EPHA6: variants seen among roughly 807,000 people sequenced by gnomAD.
The protein encoded by EPHA6 is ephrin type-A receptor 6.
In EPHA6, 50 loss-of-function variants were observed where a neutral mutation model predicts 112.0. The ratio of observed to expected loss-of-function variants is 0.45; its 90% CI spans 0.36 to 0.56. The LOEUF (loss-of-function observed/expected upper bound fraction) is 0.56, where lower values mean the gene tolerates loss of function less well. Ranked by LOEUF, EPHA6 falls within the 20% of genes least tolerant of loss-of-function variation. EPHA6 has a pLI of 0.00. For missense variants in EPHA6, 1,280 were observed against 1,417.4 expected, an observed-to-expected ratio of 0.90 and a Z score of 1.56; for synonymous variants, 529 against 490.7, an observed-to-expected ratio of 1.08 and a Z score of -1.03.
At chr3:97,144,404 C>T (rs536032398) in intron 3 of EPHA6, among the ~76,000 whole-genome samples, 1 of 150,762 alleles carries the variant, frequency 6.6e-6, no homozygotes, top group East Asian at 1.9e-4. Flanking sequence ...TCCTATGCAC[C>T]CCAGCTCATT....
In EPHA6 at chr3:97,032,811, G is replaced by A. The variant is rs115085201; in HGVS notation, c.1114+44818G>A. On this transcript the variant is annotated intron_variant, in intron 3 of 17. Coordinates refer to ENST00000389672, the MANE Select transcript of EPHA6 (RefSeq NM_001080448.3). ...GACCTTACCTATTGCCCTAAGCCTA[G>A]CGATAAAAGGCAAAATATTTTTTAT... 5.5e-3 allele frequency among the ~76,000 whole-genome samples: 842 copies of A among 152,016 alleles called. 7 individuals carry two copies. The highest frequency in any genetic ancestry group is 0.02 in the African/African-American group (816 of 41,476).
chr3:97,536,519 T>C (rs1016707542), intron 11 of EPHA6, among the ~76,000 whole-genome samples: 4 of 152,192 alleles, frequency 2.6e-5, no homozygotes, highest in Non-Finnish European at 5.9e-5. Flanking sequence ...AAATATTCCC[T>C]AAATATTCCA....
At chr3:97,578,621 C>G (rs1021137511) in intron 11 of EPHA6, among the ~76,000 whole-genome samples, 16 of 152,302 alleles carry the variant, frequency 1.1e-4, no homozygotes, top group Admixed American at 1.0e-3. Context: ...GGACTTTCCT[C>G]AATCATCAAG....
chr3:97,717,402 T>C (rs62262842), intron 14 of EPHA6, among the ~76,000 whole-genome samples: 15,123 of 152,036 alleles, frequency 0.099, 2,070 homozygotes, highest in African/African-American at 0.31. Context: ...GACTGGGTGG[T>C]TTAAACAATA....
At chr3:97,000,467 A>G (rs2043611871) in intron 3 of EPHA6, among the ~76,000 whole-genome samples, 1 of 151,840 alleles carries the variant, frequency 6.6e-6, no homozygotes, top group Admixed American at 6.6e-5. Context: ...TGTAGAAGTT[A>G]GTTTTTCATT....
At chr3:97,464,747 T>C (rs975781035) in intron 7 of EPHA6, among the ~76,000 whole-genome samples, 9 of 152,086 alleles carry the variant, frequency 5.9e-5, no homozygotes, top group African/African-American at 1.9e-4. Context: ...GAAAAAGTTA[T>C]ATTGAACTGC....
intron 3 of EPHA6, among the ~76,000 whole-genome samples, chr3:97,016,812 T>C (rs964034055): frequency 6.6e-6 from 1 of 152,232 alleles, no homozygotes; most frequent in Non-Finnish European, 1.5e-5. Context: ...ATCTGCAGTA[T>C]CCACTCTTTT....
chr3:97,574,997 G>A (rs1480522514), intron 11 of EPHA6, among the ~76,000 whole-genome samples: 1 of 151,768 alleles, frequency 6.6e-6, no homozygotes, highest in African/African-American at 2.4e-5. Flanking sequence ...ACCTTCACAT[G>A]TACCCCCTGA....
intron 11 of EPHA6, among the ~76,000 whole-genome samples, chr3:97,566,762 A>G (rs574348642): frequency 6.6e-6 from 1 of 152,304 alleles, no homozygotes; most frequent in East Asian, 1.9e-4. Context: ...GCTTTCTTCA[A>G]TAATGGCTTT....
intron 5 of EPHA6, among the ~76,000 whole-genome samples, chr3:97,389,960 A>G (rs1216310717): frequency 1.3e-5 from 2 of 152,178 alleles, no homozygotes; most frequent in Non-Finnish European, 2.9e-5. Flanking sequence ...TCTTCTCTGC[A>G]TGTAGTAAGT....
At chr3:97,118,912 T>A (rs992861905) in intron 3 of EPHA6, among the ~76,000 whole-genome samples, 3 of 151,966 alleles carry the variant, frequency 2.0e-5, no homozygotes, top group Non-Finnish European at 4.4e-5. Context: ...TCTCTTCAAA[T>A]GTTCTAGATT....
At chr3:97,641,775 G>T (rs1270563605) in intron 14 of EPHA6, among the ~76,000 whole-genome samples, 1 of 152,208 alleles carries the variant, frequency 6.6e-6, no homozygotes, top group African/African-American at 2.4e-5. Flanking sequence ...CCCACACCTG[G>T]CTCAGAGGGT....
At chr3:96,958,862 C>T (rs955198790) in intron 2 of EPHA6, among the ~76,000 whole-genome samples, 1 of 152,030 alleles carries the variant, frequency 6.6e-6, no homozygotes, top group Non-Finnish European at 1.5e-5. Flanking sequence ...TTTTTATTCC[C>T]GAATACTATT....
intron 14 of EPHA6, chr3:97,648,482 T>G: frequency 3.1e-6 from 4 of 1,294,554 alleles, no homozygotes; most frequent in Non-Finnish European, 3.9e-6. Context: ...CTAATTTAGG[T>G]GTTTGTGAAT....
chr3:97,320,195 T>C (rs1336568788), intron 5 of EPHA6, among the ~76,000 whole-genome samples: 1 of 152,004 alleles, frequency 6.6e-6, no homozygotes, highest in Non-Finnish European at 1.5e-5. Flanking sequence ...AATAGACAGT[T>C]AGTATAACAC....
chr3:97,729,012 A>G (rs1474457475), intron 15 of EPHA6, among the ~76,000 whole-genome samples: 2 of 152,082 alleles, frequency 1.3e-5, no homozygotes, highest in African/African-American at 4.8e-5. Flanking sequence ...GTGACTTCCA[A>G]AAAGAAAGGA....
intron 3 of EPHA6, among the ~76,000 whole-genome samples, chr3:97,007,281 G>C (rs1381485195): frequency 6.6e-6 from 1 of 152,160 alleles, no homozygotes; most frequent in Non-Finnish European, 1.5e-5. Context: ...ATGAATCTGT[G>C]CCCTCCTGTA....
chr3:97,525,407 T>C (rs974729250), intron 10 of EPHA6, among the ~76,000 whole-genome samples: 4 of 152,212 alleles, frequency 2.6e-5, no homozygotes, highest in Admixed American at 6.5e-5. Flanking sequence ...CTTATTTCTT[T>C]TAGTTGTCTA....
At chr3:97,128,450 C>T (rs1416163483) in intron 3 of EPHA6, among the ~76,000 whole-genome samples, 1 of 152,120 alleles carries the variant, frequency 6.6e-6, no homozygotes, top group Non-Finnish European at 1.5e-5. Context: ...GATTATAATA[C>T]TTGATATCTA....
Sources: allele counts gnomAD v4.1 joint callset (sites outside exome capture counted in the v4.1 genomes callset), GRCh38; gene constraint gnomAD v4.1.1; transcripts MANE v1.5; gene names NCBI Gene and HGNC (gene_info 2026-07-23, HGNC 2026-07-21).